Variants in TRANK1 observed in about 807,000 individuals in gnomAD.
TRANK1 encodes TPR and ankyrin repeat-containing protein 1.
TRANK1 carries 198 observed loss-of-function variants against 266.0 expected under a neutral mutation model. The observed-to-expected ratio is 0.74, with a 90% CI of 0.66 to 0.84. The LOEUF is 0.84. Among genes scored for constraint, TRANK1 ranks in the 40% least tolerant of loss-of-function variants. The probability of loss-of-function intolerance (pLI) is 0.00; values close to 1 mark genes in which losing one functional copy is unlikely to be tolerated. For missense variants in TRANK1, 3,326 were observed against 3,634.6 expected (o/e 0.92, Z 2.18); for synonymous variants, 1,396 against 1,384.1 (o/e 1.01, Z -0.19).
chr3:36,934,748 G>T (rs951607158), intron 1 of TRANK1, among the ~76,000 whole-genome samples: 1 of 152,128 alleles, frequency 6.6e-6, no homozygotes, highest in African/African-American at 2.4e-5. Flanking sequence ...AAATCAACTT[G>T]TGCATTTAAG....
intron 1 of TRANK1, among the ~76,000 whole-genome samples, chr3:36,944,059 G>C (rs1192273229): frequency 6.6e-6 from 1 of 152,138 alleles, no homozygotes; most frequent in Non-Finnish European, 1.5e-5. Flanking sequence ...CCGCGGGACG[G>C]AGACAGGGAG....
intron 1 of TRANK1, among the ~76,000 whole-genome samples, chr3:36,933,331 TG>T (rs2080385235): frequency 6.6e-6 from 1 of 152,286 alleles, no homozygotes; most frequent in African/African-American, 2.4e-5. Context: ...TCATGGCGAC[TG>T]GCCAAGGAGG....
At chr3:36,913,936 T>G (rs2080089579) in intron 1 of TRANK1, among the ~76,000 whole-genome samples, 1 of 152,138 alleles carries the variant, frequency 6.6e-6, no homozygotes, top group African/African-American at 2.4e-5. Flanking sequence ...TTATTCCTCA[T>G]TTATTTACAG....
At chr3:36,934,234 G>T (rs554162591) in intron 1 of TRANK1, among the ~76,000 whole-genome samples, 1 of 152,300 alleles carries the variant, frequency 6.6e-6, no homozygotes, top group East Asian at 1.9e-4. Context: ...GAGATAGGAG[G>T]CTCCAGAGGG....
rs1003795853 is a variant in TRANK1 at position 36,944,701 on chromosome 3, T to C, written c.23+86A>G. On this transcript the variant is annotated intron_variant, in intron 1 of 23. Coordinates refer to ENST00000645898, the MANE Select transcript of TRANK1 (RefSeq NM_001329998.2). Reference sequence around the variant, plus strand: ...TCGGCCGCTACCTCAGGGTCGCCAGTCCCCGCGCGCGGCCGCCTCCCGCCA... The same window carrying C: ...TCGGCCGCTACCTCAGGGTCGCCAGCCCCCGCGCGCGGCCGCCTCCCGCCA... The C allele has an allele frequency of 4.8e-6, 7 of 1,458,516 alleles. No individual in the cohort carries two copies. The Admixed American group carries it at 6.4e-5, about 13-fold the overall frequency. 90.3% of individuals were successfully genotyped at this position (1,458,516 alleles called of 1,614,324 possible). A position where few individuals can be genotyped will look rare whatever the true frequency, so the allele number is the denominator to read the frequency against.
chr3:36,916,877 G>A (rs529721806), intron 1 of TRANK1, among the ~76,000 whole-genome samples: 2 of 151,714 alleles, frequency 1.3e-5, no homozygotes, highest in South Asian at 2.1e-4. Context: ...GTGCAGTGGT[G>A]CAATCTTGGC....
chr3:36,904,526 GA>G (rs60347042), intron 2 of TRANK1, among the ~76,000 whole-genome samples: 45,114 of 144,298 alleles, frequency 0.31, 7,448 homozygotes, highest in East Asian at 0.57. Context: ...CTCAAAAAAA[GA>G]AAAAAAAAAA....
At chr3:36,867,546 G>A (rs748187724) in intron 9 of TRANK1, among the ~76,000 whole-genome samples, 1 of 152,214 alleles carries the variant, frequency 6.6e-6, no homozygotes, top group Non-Finnish European at 1.5e-5. Flanking sequence ...GGAGGGCTGT[G>A]GGTGACTTGT....
At position 36,833,901 on chromosome 3, in the gene TRANK1, C is replaced by G. The variant is rs2078733255; in HGVS notation, c.5682G>C (p.Lys1894Asn). Residue 1894 changes from lysine (K) to asparagine (N), a missense_variant, in exon 22 of 24, where the codon AAG becomes AAC. Transcript: ENST00000645898. ...GCTTGGAAATGGGAAGGGTCTTAGTCTTTAGCATTTCTTCATACCTGCAAA... is the reference window on the plus strand; with the variant it reads ...GCTTGGAAATGGGAAGGGTCTTAGTGTTTAGCATTTCTTCATACCTGCAAA... ...IAVEKYEEML[K>N]TKTLPISKLS... 5.0e-6 allele frequency: 8 copies of G among 1,607,962 alleles called. No individual in the cohort carries two copies. The highest frequency in any genetic ancestry group is 5.9e-6 in the Non-Finnish European group (7 of 1,178,202).
chr3:36,880,093 T>TATGTAAACATAC (rs1559449985), intron 8 of TRANK1: 2 of 116,544 alleles, frequency 1.7e-5, no homozygotes, highest in East Asian at 5.9e-4. Context: ...TAAACATATA[T>TATGTAAACATAC]AAATATATAT....
In TRANK1 at chr3:36,857,737, G is replaced by T. The variant is rs376763386; in HGVS notation, c.1985C>A (p.Ala662Asp). The change falls in exon 13 of 24, where the codon GCC (alanine) becomes GAC (aspartate). Residue 662 changes from alanine (A) to aspartate (D), a missense_variant. By Grantham distance (126) the Ala-to-Asp change is moderately radical. Transcript: ENST00000645898. This position sits in a 1 kb window ranked among gnomAD's most constrained non-coding sequence, Gnocchi z 4.3. ...NRRRSRQDSA[A>D]HLGKLSKSTA... is the part of the protein sequence containing the mutation. ...GGACTTTGAGAGCTTCCCCAGGTGG[G>T]CAGCAGAGTCCTGCCGGCTCCTCCT... 6.2e-7 allele frequency: 1 copy of T among 1,613,984 alleles called. No individual in the cohort carries two copies. Among genetic ancestry groups the T allele is most frequent in the Non-Finnish European group, 8.5e-7 (1 of 1,179,904 alleles).
chr3:36,853,372 T>C (rs1010085834), intron 13 of TRANK1, among the ~76,000 whole-genome samples: 9 of 152,284 alleles, frequency 5.9e-5, no homozygotes, highest in African/African-American at 2.2e-4. Flanking sequence ...CGTCATGAAA[T>C]GGGCATATGT....
Position 36,851,709 on chromosome 3 carries a change from T to G in TRANK1, c.4887+10A>C. On this transcript the variant is annotated intron_variant, in intron 15 of 23. Transcript: ENST00000645898. ...TATTCATTGTGTGAAAAGAATTAGGTGTGACATACCTCAGAATCAGTAAAA... is the reference window on the plus strand; with the variant it reads ...TATTCATTGTGTGAAAAGAATTAGGGGTGACATACCTCAGAATCAGTAAAA... The G allele has an allele frequency of 6.2e-7, 1 of 1,604,536 alleles. No individual in the cohort carries two copies. Among genetic ancestry groups the G allele is most frequent in the Non-Finnish European group, 8.5e-7 (1 of 1,177,358 alleles).
rs570303625 is a variant in TRANK1 at position 36,845,413 on chromosome 3, G to T, written c.5191+835C>A. 1.7e-4 allele frequency among the ~76,000 whole-genome samples: 26 copies of T among 152,226 alleles called. No homozygotes were observed. The South Asian group carries it at 5.2e-3, about 30-fold the overall frequency. Reference sequence around the variant, plus strand: ...GAAACCAAACAGATTCAGACAACCTGTTAACTCAGTAGCTGAACCCTCACA... The same window carrying T: ...GAAACCAAACAGATTCAGACAACCTTTTAACTCAGTAGCTGAACCCTCACA... On this transcript the variant is annotated intron_variant, in intron 17 of 23. Transcript: ENST00000645898.
chr3:36,903,217 G>C lies in TRANK1; in HGVS notation c.214C>G (p.Leu72Val). The change falls in exon 3 of 24, where the codon CTT (leucine) becomes GTT (valine). Residue 72 changes from leucine (L) to valine (V), a missense_variant. Transcript: ENST00000645898. Reference protein sequence around the residue: ...LCNKSNAFFSLGKWNEAFVAA... With the variant: ...LCNKSNAFFSVGKWNEAFVAA... ...ACAAATGCCTCATTCCACTTCCCAA[G>C]GCTGAAAAATGCATTTGATTTGTTG... is the stretch of plus-strand genomic sequence containing the variant. 6.5e-7 allele frequency: 1 copy of C among 1,537,344 alleles called. No homozygotes were observed. Among genetic ancestry groups the C allele is most frequent in the Non-Finnish European group, 8.7e-7 (1 of 1,146,940 alleles).
chr3:36,919,691 G>A (rs1209652148), intron 1 of TRANK1, among the ~76,000 whole-genome samples: 5 of 152,216 alleles, frequency 3.3e-5, no homozygotes, highest in Non-Finnish European at 7.3e-5. Context: ...GAGACTGCCA[G>A]TTTTCCAAGT....
intron 13 of TRANK1, among the ~76,000 whole-genome samples, chr3:36,854,747 C>T (rs953379389): frequency 1.3e-5 from 2 of 151,864 alleles, no homozygotes; most frequent in African/African-American, 2.4e-5. Context: ...GTGTTAACTC[C>T]CACTGCCTAC....
chr3:36,942,838 G>A (rs1040113520), intron 1 of TRANK1, among the ~76,000 whole-genome samples: 1 of 148,910 alleles, frequency 6.7e-6, no homozygotes, highest in Non-Finnish European at 1.5e-5. Flanking sequence ...CTGGTCAGTC[G>A]GTCATAAAGT....
intron 1 of TRANK1, among the ~76,000 whole-genome samples, chr3:36,913,030 TTG>T (rs10633466): frequency 6.2e-4 from 90 of 144,048 alleles, no homozygotes; most frequent in African/African-American, 9.3e-4. Flanking sequence ...TATGTCTCTT[TTG>T]TGTGTGTGTG....
Sources: allele counts gnomAD v4.1 joint callset (sites outside exome capture counted in the v4.1 genomes callset), GRCh38; gene constraint gnomAD v4.1.1; non-coding constraint Gnocchi (gnomAD v3.1); transcripts MANE v1.5; gene names NCBI Gene and HGNC (gene_info 2026-07-23, HGNC 2026-07-21).